The following SORBS2 variants were observed in gnomAD, a reference collection of about 807,000 sequenced individuals.
SORBS2 encodes sorbin and SH3 domain containing 2, also known as sorbin and SH3 domain-containing protein 2.
SORBS2 carries 46 observed loss-of-function variants against 97.7 expected under a neutral mutation model. The ratio of observed to expected loss-of-function variants is 0.47; its 90% CI spans 0.37 to 0.60. SORBS2 has a LOEUF of 0.60. Among genes scored for constraint, SORBS2 ranks in the 20% least tolerant of loss-of-function variants. SORBS2 has a pLI of 0.00. For missense variants in SORBS2, 1,316 were observed against 1,282.3 expected, an observed-to-expected ratio of 1.03 and a Z score of -0.40; for synonymous variants, 476 against 473.4, an observed-to-expected ratio of 1.01 and a Z score of -0.07.
At chr4:185,694,841 G>A (rs1582908479) in intron 2 of SORBS2, among the ~76,000 whole-genome samples, 1 of 151,748 alleles carries the variant, frequency 6.6e-6, no homozygotes, top group Admixed American at 6.6e-5. Flanking sequence ...TGAGTAGCTG[G>A]AATTACAGGC....
Position 185,623,727 on chromosome 4 carries a change from G to T in SORBS2, c.1402C>A (p.Pro468Thr), listed in dbSNP as rs767319986. The T allele has an allele frequency of 5.6e-6, 9 of 1,614,030 alleles. No individual in the cohort carries two copies. The South Asian group carries it at 9.9e-5, about 18-fold the overall frequency. ...TGGCAGCCTCGCCGGCCCCGAGCGG[G>T]GGGGCCGCTTTGATTTTCTTCCTCC... Residue 468 changes from proline (P) to threonine (T), a missense_variant, in exon 7 of 15, where the codon CCC becomes ACC. Pro to Thr is a conservative substitution (Grantham distance 38, BLOSUM62 -1). Coordinates refer to ENST00000418609, the Ensembl canonical transcript of SORBS2. The surrounding 1 kb of genome is among the most constrained non-coding windows in gnomAD (Gnocchi z 6.4).
chr4:185,931,347 G>A (rs1261308638), intron 1 of SORBS2, among the ~76,000 whole-genome samples: 1 of 152,156 alleles, frequency 6.6e-6, no homozygotes, highest in Admixed American at 6.5e-5. Context: ...TTTACTGCTA[G>A]AGAAAAAAAT....
chr4:185,590,263 A>T (rs572341013), intron 13 of SORBS2, among the ~76,000 whole-genome samples: 1 of 152,330 alleles, frequency 6.6e-6, no homozygotes, highest in Non-Finnish European at 1.5e-5. Flanking sequence ...TTGAGAATTG[A>T]ATTTTCAAAG....
intron 1 of SORBS2, among the ~76,000 whole-genome samples, chr4:185,911,832 T>C (rs1417536941): frequency 6.6e-6 from 1 of 152,216 alleles, no homozygotes; most frequent in Non-Finnish European, 1.5e-5. Flanking sequence ...AAACCTCTTA[T>C]TGACACATTA....
At chr4:185,718,392 C>G (rs1353281948) in intron 2 of SORBS2, among the ~76,000 whole-genome samples, 2 of 152,042 alleles carry the variant, frequency 1.3e-5, no homozygotes, top group African/African-American at 4.8e-5. Context: ...GTTTCAGGAT[C>G]AGTTGTATAA....
In SORBS2 at chr4:185,931,812, G is replaced by GACACACACAC. The variant is rs56398253; in HGVS notation, c.-338+24374_-338+24383dup. Among the ~76,000 whole-genome samples the GACACACACAC allele has an allele frequency of 4.6e-4, 69 of 150,884 alleles. 1 individual carries two copies. The highest frequency in any genetic ancestry group is 9.7e-4 in the African/African-American group (40 of 41,118). On this transcript the variant is annotated intron_variant, in intron 1 of 20. Transcript: ENST00000284776. Reference sequence around the variant, plus strand: ...AAGACAGGAGAGGCAGAGACAGACAGACACACACACATGCACACATGCAGA... The same window carrying GACACACACAC: ...AAGACAGGAGAGGCAGAGACAGACAGACACACACACACACACACACATGCACACATGCAGA...
chr4:185,637,180 T>C (rs555627498), intron 4 of SORBS2, among the ~76,000 whole-genome samples: 57 of 152,376 alleles, frequency 3.7e-4, no homozygotes, highest in African/African-American at 1.4e-3. Flanking sequence ...TATATGATGG[T>C]GGTCCTATGG....
At chr4:185,651,210 C>T (rs977382269) in intron 2 of SORBS2, among the ~76,000 whole-genome samples, 3 of 152,196 alleles carry the variant, frequency 2.0e-5, no homozygotes, top group Non-Finnish European at 4.4e-5. Context: ...TTCCAGCCTG[C>T]AGACCCCTGC....
chr4:185,873,835 A>G (rs1472769061), intron 1 of SORBS2, among the ~76,000 whole-genome samples: 1 of 152,232 alleles, frequency 6.6e-6, no homozygotes, highest in South Asian at 2.1e-4. Context: ...ACATAAAAAT[A>G]TAACATGAAC....
At chr4:185,903,656 G>C (rs1375512608) in intron 1 of SORBS2, among the ~76,000 whole-genome samples, 3 of 152,068 alleles carry the variant, frequency 2.0e-5, no homozygotes, top group African/African-American at 7.2e-5. Flanking sequence ...TTCTCTTCAG[G>C]CTATGTCTTT....
chr4:185,941,182 C>T (rs537299078), intron 1 of SORBS2, among the ~76,000 whole-genome samples: 25 of 152,262 alleles, frequency 1.6e-4, no homozygotes, highest in African/African-American at 5.1e-4. Flanking sequence ...AAAGTTTTTA[C>T]ATTTATTTCC....
At chr4:185,954,946 C>A (rs2150037713) in intron 1 of SORBS2, among the ~76,000 whole-genome samples, 1 of 152,270 alleles carries the variant, frequency 6.6e-6, no homozygotes, top group South Asian at 2.1e-4. Flanking sequence ...GAGTAAAACT[C>A]CATCTCAAAA....
chr4:185,643,414 T>G (rs1236043055), intron 4 of SORBS2, among the ~76,000 whole-genome samples: 2 of 152,182 alleles, frequency 1.3e-5, no homozygotes, highest in East Asian at 3.8e-4. Flanking sequence ...GTCACAGGTC[T>G]TCTATAAATT....
Position 185,905,111 on chromosome 4 carries a change from A to AG in SORBS2, c.-338+51084_-338+51085insC, listed in dbSNP as rs1235815771. Among the ~76,000 whole-genome samples the AG allele has an allele frequency of 2.9e-4, 44 of 151,710 alleles. 1 individual carries two copies. The highest frequency in any genetic ancestry group is 5.3e-4 in the African/African-American group (22 of 41,316). ...AAGAGTGAAACTCTGTCAAAAAAAA[A>AG]AAAGAAAGAAAGAAAGAAAGAAACA... On this transcript the variant is annotated intron_variant, in intron 1 of 20. Coordinates refer to the SORBS2 transcript ENST00000284776.
chr4:185,814,953 C>T (rs529234720), intron 1 of SORBS2, among the ~76,000 whole-genome samples: 16 of 152,328 alleles, frequency 1.1e-4, no homozygotes, highest in East Asian at 9.7e-4. Flanking sequence ...TCCTTCCAAA[C>T]GTGTTTGTTT....
rs143562159 is a variant in SORBS2 at position 185,647,908 on chromosome 4, T to G, written c.282-1126A>C. On this transcript the variant is annotated intron_variant, in intron 3 of 14. Transcript: ENST00000418609. ...TTTAATTTTAACAAAACATATCAGA[T>G]GGGTAATACCTTTAAATCAAAACGT... Among the ~76,000 whole-genome samples, 188 of 152,338 alleles carry G rather than the reference T, an allele frequency of 1.2e-3. 3 individuals are homozygous for G. In the East Asian group the frequency reaches 0.031, roughly 25 times the overall value.
chr4:185,827,180 G>T (rs113654268), intron 1 of SORBS2, among the ~76,000 whole-genome samples: 2,481 of 11,844 alleles, frequency 0.21, 68 homozygotes, highest in African/African-American at 0.38. Context: ...ACCATCATCA[G>T]AATCACCATC....
chr4:185,589,649 C>G, intron 14 of SORBS2, 30 bp downstream of exon 26: 3 of 1,337,788 alleles, frequency 2.2e-6, no homozygotes, highest in Non-Finnish European at 3.2e-6. Context: ...ACAAAATAGC[C>G]GAAGGTGCCT....
chr4:185,903,551 C>A (rs556908111), intron 1 of SORBS2, among the ~76,000 whole-genome samples: 1 of 152,176 alleles, frequency 6.6e-6, no homozygotes, highest in Admixed American at 6.5e-5. Flanking sequence ...AGGGGTCCCT[C>A]TGATACCTGC....
Sources: gnomAD v4.1 joint callset for allele counts (sites outside exome capture counted in the v4.1 genomes callset) on GRCh38, gnomAD v4.1.1 for gene constraint, Gnocchi (gnomAD v3.1) non-coding constraint, MANE v1.5 for transcripts, NCBI Gene and HGNC (gene_info 2026-07-23, HGNC 2026-07-21) for gene names.